The following ACACA variants were observed in gnomAD, a reference collection of about 807,000 sequenced individuals.
ACACA encodes the protein acetyl-CoA carboxylase alpha.
In ACACA, 103 loss-of-function variants were observed where a neutral mutation model predicts 296.1. The observed-to-expected ratio is 0.35, with a 90% CI of 0.30 to 0.41. The LOEUF is 0.41. ACACA is among the 10% of genes least tolerant of loss of function. The pLI is 1.00. For missense variants in ACACA, 1,554 were observed against 2,989.7 expected (o/e 0.52, Z 11.20); for synonymous variants, 953 against 1,038.6 (o/e 0.92, Z 1.58).
chr17:37,179,520 G>C, intron 40 of ACACA, 114 bp from the exon 41 acceptor site: 1 of 1,168,498 alleles, frequency 8.6e-7, no homozygotes, highest in Non-Finnish European at 1.2e-6. Context: ...GTTCTGCAGA[G>C]TGTAAACATT....
intron 24 of ACACA, 130 bp downstream of exon 24, chr17:37,240,346 G>T (rs554611397): frequency 2.9e-5 from 22 of 751,016 alleles, no homozygotes; most frequent in Non-Finnish European, 4.6e-5. Context: ...AGTGATAGGA[G>T]ACTGTTTATT....
chr17:37,370,059 A>AGT (rs1361788782), intron 1 of ACACA, among the ~76,000 whole-genome samples: 1 of 144,394 alleles, frequency 6.9e-6, no homozygotes, highest in East Asian at 2.1e-4. Flanking sequence ...CCAAGGCTGG[A>AGT]GTGCAGTGGC....
Position 37,285,724 on chromosome 17 carries a change from C to T in ACACA, c.339-754G>A, listed in dbSNP as rs543990097. ...GTTACTTGGGGTGGGGGGTGGGGGG[C>T]GCAGCTGAGGCAGATAAATTGCTTG... is the stretch of plus-strand genomic sequence containing the variant. On this transcript the variant is annotated intron_variant, in intron 3 of 55. Coordinates refer to ENST00000616317, the MANE Select transcript of ACACA (RefSeq NM_198834.3). 3.3e-5 allele frequency among the ~76,000 whole-genome samples: 5 copies of T among 149,820 alleles called. No individual in the cohort carries two copies. The East Asian group carries it at 5.9e-4, about 18-fold the overall frequency.
In ACACA at chr17:37,252,778, C is replaced by G. The variant is rs1006380688; in HGVS notation, c.1977+108G>C. 6 of 1,475,032 alleles carry G rather than the reference C, an allele frequency of 4.1e-6. No homozygotes were observed. The African/African-American group carries it at 8.3e-5, about 20-fold the overall frequency. The allele number at this position is 1,475,032 out of a possible 1,614,324, so 91.4% of individuals were successfully genotyped here. On this transcript the variant is annotated intron_variant, in intron 15 of 55. Transcript: ENST00000616317. Reference sequence around the variant, plus strand: ...GACTCCTAGATTTTTCCAGGTAGATCAAGAACCATTTACATTAGAATCAAA... The same window carrying G: ...GACTCCTAGATTTTTCCAGGTAGATGAAGAACCATTTACATTAGAATCAAA...
chr17:37,142,975 A>G (rs1336315072), intron 45 of ACACA, among the ~76,000 whole-genome samples: 1 of 152,212 alleles, frequency 6.6e-6, no homozygotes, highest in Admixed American at 6.5e-5. Context: ...AAGGAACCCT[A>G]AATGAACCTT....
rs748258661 is a variant in ACACA, at chr17:37,200,264, AGAT to A, written c.4114-84_4114-82del. On this transcript the variant is annotated intron_variant, in intron 34 of 55. Coordinates refer to ENST00000616317, the MANE Select transcript of ACACA (RefSeq NM_198834.3). ...CAAAATCAAAAAGAAATTGAGTAAA[AGAT>A]GATGAGTTAAACTAATGTTTTTTAA... 63 of 1,403,060 alleles carry A rather than the reference AGAT, an allele frequency of 4.5e-5. 1 individual carries two copies. The highest frequency in any genetic ancestry group is 6.1e-5 in the Non-Finnish European group (60 of 989,702). The allele number at this position is 1,403,060 out of a possible 1,614,324, so 86.9% of individuals were successfully genotyped here.
chr17:37,193,658 GA>G (rs997743746), intron 35 of ACACA, among the ~76,000 whole-genome samples: 7 of 151,622 alleles, frequency 4.6e-5, no homozygotes, highest in African/African-American at 9.7e-5. Context: ...TCTCCCAGGG[GA>G]AAAAAAATGT....
At chr17:37,091,701 T>A (rs1341666128) in intron 54 of ACACA, among the ~76,000 whole-genome samples, 1 of 152,018 alleles carries the variant, frequency 6.6e-6, no homozygotes, top group Non-Finnish European at 1.5e-5. Context: ...TGCATCGGCA[T>A]CCTGAATAGC....
At chr17:37,145,348 A>T (rs2075768043) in intron 45 of ACACA, among the ~76,000 whole-genome samples, 1 of 152,172 alleles carries the variant, frequency 6.6e-6, no homozygotes, top group African/African-American at 2.4e-5. Flanking sequence ...CAAGCAGGGT[A>T]ATTTGCCACA....
chr17:37,299,367 A>G (rs1469464317), intron 3 of ACACA: 22 of 1,613,932 alleles, frequency 1.4e-5, no homozygotes, highest in Non-Finnish European at 1.7e-5. Context: ...CTTTTTCTTC[A>G]GATTTCGGCC....
intron 50 of ACACA, among the ~76,000 whole-genome samples, 172 bp downstream of exon 50, chr17:37,121,183 G>A (rs1246207823): frequency 1.3e-5 from 2 of 152,186 alleles, no homozygotes; most frequent in African/African-American, 2.4e-5. Context: ...ATTATAAAAT[G>A]TACTTTTTTC....
chr17:37,390,162 ATATATATATAT>A (rs2050743116), intron 1 of ACACA, among the ~76,000 whole-genome samples: 1 of 64,080 alleles, frequency 1.6e-5, no homozygotes, highest in Non-Finnish European at 2.7e-5. Context: ...ATATATATAT[ATATATATATAT>A]ATACACACAC....
rs9903451 is a variant in ACACA, at chr17:37,113,985, C to G, written c.6275-720G>C. Among the ~76,000 whole-genome samples the G allele has an allele frequency of 0.35, 52,677 of 151,992 alleles. 13,110 individuals carry two copies. Among genetic ancestry groups the G allele is most frequent in the African/African-American group, 0.7 (28,821 of 41,448 alleles). ...ATACCACACAGCCACATGAGAAGAA[C>G]AGACCCAACCAGGGCAGCATAGTGA... On this transcript the variant is annotated intron_variant, in intron 50 of 55. Transcript: ENST00000616317. This position sits in a 1 kb window ranked among gnomAD's most constrained non-coding sequence, Gnocchi z 4.0.
intron 3 of ACACA, among the ~76,000 whole-genome samples, chr17:37,321,995 T>G (rs1256949774): frequency 3.3e-5 from 5 of 151,632 alleles, no homozygotes; most frequent in African/African-American, 1.2e-4. Flanking sequence ...TCCAAACTCA[T>G]TAACATACTA....
At chr17:37,190,415 G>A (rs12938125) in intron 38 of ACACA, among the ~76,000 whole-genome samples, 49,365 of 151,356 alleles carry the variant, frequency 0.33, 10,005 homozygotes, top group African/African-American at 0.56. Context: ...GCAACAGAGC[G>A]AGACTCTGTC....
chr17:37,191,412 G>A (rs1289419382), intron 37 of ACACA, 137 bp from the exon 38 acceptor site: 27 of 921,096 alleles, frequency 2.9e-5, no homozygotes, highest in Admixed American at 6.4e-5. Flanking sequence ...TTTCTCCCTA[G>A]AGTCAGTCCA....
intron 1 of ACACA, chr17:37,345,139 T>C (rs145614860): frequency 0.018 from 2,685 of 152,582 alleles, 68 homozygotes; most frequent in African/African-American, 0.061. Context: ...CCACAACCTC[T>C]GCCTCCCAGG....
At chr17:37,219,219 A>G (rs1397500692) in intron 29 of ACACA, among the ~76,000 whole-genome samples, 4 of 152,336 alleles carry the variant, frequency 2.6e-5, no homozygotes, top group African/African-American at 7.2e-5. Context: ...CTGAAGGTCA[A>G]TGGAGCTTCT....
rs182731528 is a variant in ACACA at position 37,209,493 on chromosome 17, C to G, written c.3707+974G>C. Among the ~76,000 whole-genome samples the G allele has an allele frequency of 4.5e-3, 686 of 152,272 alleles. 2 individuals are homozygous for G. Among genetic ancestry groups the G allele is most frequent in the Non-Finnish European group, 7.1e-3 (486 of 68,020 alleles). Reference sequence around the variant, plus strand: ...GGAAATATCGACTATTCAGTTTCCCCTCACTGCTATGCTTGTGAACCAGGG... The same window carrying G: ...GGAAATATCGACTATTCAGTTTCCCGTCACTGCTATGCTTGTGAACCAGGG... On this transcript the variant is annotated intron_variant, in intron 30 of 55. Transcript: ENST00000616317.
Sources: allele counts gnomAD v4.1 joint callset (sites outside exome capture counted in the v4.1 genomes callset), GRCh38; gene constraint gnomAD v4.1.1; non-coding constraint Gnocchi (gnomAD v3.1); transcripts MANE v1.5; gene names NCBI Gene and HGNC (gene_info 2026-07-23, HGNC 2026-07-21).